Variants in N4BP2L2 observed in about 807,000 individuals in gnomAD.
N4BP2L2 encodes the protein NEDD4 binding protein 2 like 2, also known as NEDD4-binding protein 2-like 2.
A neutral mutation model predicts 56.2 loss-of-function variants in N4BP2L2; 50 were observed. The observed-to-expected ratio is 0.89, with a 90% CI of 0.71 to 1.13. The LOEUF is 1.13. Ranked by LOEUF, N4BP2L2 falls within the 50% of genes most tolerant of loss-of-function variation. The pLI is 0.00. For synonymous variants in N4BP2L2, 203 were observed against 223.6 expected, an observed-to-expected ratio of 0.91 and a Z score of 0.82; for missense variants, 689 against 693.8, an observed-to-expected ratio of 0.99 and a Z score of 0.08.
At chr13:32,441,394 T>G (rs1008065002) in intron 7 of N4BP2L2, among the ~76,000 whole-genome samples, 1 of 151,720 alleles carries the variant, frequency 6.6e-6, no homozygotes. Context: ...GAAAGTAGAG[T>G]TTCTTTTCTG....
At chr13:32,487,510 A>G (rs2086146334) in intron 6 of N4BP2L2, among the ~76,000 whole-genome samples, 1 of 150,984 alleles carries the variant, frequency 6.6e-6, no homozygotes, top group Non-Finnish European at 1.5e-5. Flanking sequence ...AAAAAAGTAG[A>G]AGATAAAATA....
chr13:32,496,033 T>G (rs949390733), intron 6 of N4BP2L2, among the ~76,000 whole-genome samples: 1 of 151,962 alleles, frequency 6.6e-6, no homozygotes, highest in African/African-American at 2.4e-5. Context: ...TTCCCCAGAG[T>G]TGCCTTCATG....
exon 2 of N4BP2L2, chr13:32,536,621 C>A (rs749237490): frequency 1.2e-6 from 2 of 1,613,728 alleles, no homozygotes; most frequent in African/African-American, 2.7e-5. Flanking sequence ...CCCTTCATTA[C>A]GTTTCTTTTT....
At chr13:32,522,890 A>G (rs1315258650) in intron 3 of N4BP2L2, 1 of 152,236 alleles carries the variant, frequency 6.6e-6, no homozygotes, top group African/African-American at 2.4e-5. Flanking sequence ...CTTTTGAAGT[A>G]AGGCTTATGT....
chr13:32,497,402 TCTAA>T lies in N4BP2L2; in HGVS notation c.365+20451_365+20454del, dbSNP rs895330614. On this transcript the variant is annotated intron_variant, in intron 6 of 9. Transcript: ENST00000357505. ...AGATTTTAGTTTTTAAAAACTTTATTCTAACTGATAACCTGGACAGCTGAAATGA... is the reference window on the plus strand; with the variant it reads ...AGATTTTAGTTTTTAAAAACTTTATTCTGATAACCTGGACAGCTGAAATGA... 2.0e-5 allele frequency among the ~76,000 whole-genome samples: 3 copies of T among 152,210 alleles called. No individual in the cohort carries two copies. In the South Asian group the frequency reaches 6.2e-4, roughly 32 times the overall value.
At chr13:32,459,938 C>T (rs906805879) in intron 6 of N4BP2L2, among the ~76,000 whole-genome samples, 2 of 152,092 alleles carry the variant, frequency 1.3e-5, no homozygotes, top group Admixed American at 6.5e-5. Flanking sequence ...TCTAACAGTA[C>T]ATCAAAAGGA....
exon 6 of N4BP2L2, chr13:32,513,925 T>A (rs927541705): frequency 6.6e-6 from 1 of 152,164 alleles, no homozygotes. Flanking sequence ...ATTTTCTTTA[T>A]AAATAGTTAG....
At chr13:32,536,439 C>T in exon 2 of N4BP2L2, 1 of 1,613,652 alleles carries the variant, frequency 6.2e-7, no homozygotes, top group Middle Eastern at 1.6e-4. Flanking sequence ...TGAGAAGGTT[C>T]AGATTCTTTA....
intron 6 of N4BP2L2, among the ~76,000 whole-genome samples, chr13:32,461,759 T>C (rs1000977343): frequency 6.6e-6 from 1 of 152,040 alleles, no homozygotes; most frequent in Non-Finnish European, 1.5e-5. Context: ...TGCACCGTCA[T>C]GCCTGGCTAA....
exon 6 of N4BP2L2, chr13:32,511,925 C>T (rs2139788919): frequency 6.6e-6 from 1 of 152,034 alleles, no homozygotes; most frequent in East Asian, 1.9e-4. Context: ...TTTTGTTACA[C>T]TAAAAAACTG....
At chr13:32,496,863 C>G (rs947265265) in intron 6 of N4BP2L2, among the ~76,000 whole-genome samples, 1 of 152,162 alleles carries the variant, frequency 6.6e-6, no homozygotes, top group African/African-American at 2.4e-5. Flanking sequence ...TGTAATGATT[C>G]TACATGCAAG....
chr13:32,503,812 G>A (rs566146605), intron 6 of N4BP2L2, among the ~76,000 whole-genome samples: 5 of 152,174 alleles, frequency 3.3e-5, no homozygotes, highest in Admixed American at 1.3e-4. Context: ...TCGGGGGACC[G>A]AGGCAGGAGG....
At chr13:32,443,910 A>G in exon 7 of N4BP2L2, 1 of 1,576,810 alleles carries the variant, frequency 6.3e-7, no homozygotes, top group Non-Finnish European at 8.6e-7. Context: ...TTTGTAGACC[A>G]TCAATGAAGG....
At chr13:32,470,065 C>A (rs544126788) in intron 6 of N4BP2L2, among the ~76,000 whole-genome samples, 1 of 152,176 alleles carries the variant, frequency 6.6e-6, no homozygotes, top group Non-Finnish European at 1.5e-5. Flanking sequence ...AGACCTGTAT[C>A]TTTGCACCTT....
chr13:32,519,435 T>A (rs1368306560), intron 5 of N4BP2L2, among the ~76,000 whole-genome samples: 1 of 151,874 alleles, frequency 6.6e-6, no homozygotes, highest in African/African-American at 2.4e-5. Context: ...GTGGGTGGAT[T>A]GCTTGAGGTC....
At chr13:32,511,477 T>C (rs1359129215) in exon 6 of N4BP2L2, 1 of 152,232 alleles carries the variant, frequency 6.6e-6, no homozygotes, top group African/African-American at 2.4e-5. Context: ...CTCAAATCCA[T>C]ACATTCAAGT....
intron 3 of N4BP2L2, among the ~76,000 whole-genome samples, chr13:32,526,029 CAAA>C (rs1274880215): frequency 5.3e-5 from 2 of 37,414 alleles, no homozygotes; most frequent in Non-Finnish European, 1.6e-4. Context: ...ATCTGCTTGC[CAAA>C]AAAAAAAAAA....
intron 6 of N4BP2L2, among the ~76,000 whole-genome samples, chr13:32,472,906 G>A (rs1456216579): frequency 1.3e-5 from 2 of 152,216 alleles, no homozygotes; most frequent in East Asian, 3.8e-4. Flanking sequence ...AATGTGGCTA[G>A]TCTGAATTGG....
exon 1 of N4BP2L2, chr13:32,538,745 CCCA>C (rs2057267721): frequency 1.0e-6 from 1 of 985,324 alleles, no homozygotes; most frequent in Non-Finnish European, 1.2e-6. Flanking sequence ...GGACTAAAAG[CCCA>C]CCTCTCAGAA....
Sources: gnomAD v4.1 joint callset for allele counts (sites outside exome capture counted in the v4.1 genomes callset) on GRCh38, gnomAD v4.1.1 for gene constraint, MANE v1.5 for transcripts, NCBI Gene and HGNC (gene_info 2026-07-23, HGNC 2026-07-21) for gene names.